ZNF469: variants seen among roughly 807,000 people sequenced by gnomAD.
ZNF469 encodes zinc finger protein 469.
Under a neutral mutation model 1.0 loss-of-function variants are expected in ZNF469, and 1 was observed. The observed-to-expected ratio is 1.00, with a 90% CI of 0.35 to 4.73. The LOEUF is 4.73. Among genes scored for constraint, ZNF469 ranks in the 30% most tolerant of loss-of-function variants. ZNF469 has a pLI of 0.16. For missense variants in ZNF469, 6,100 were observed against 5,356.3 expected (o/e 1.14, Z -4.33); for synonymous variants, 2,703 against 2,363.4 (o/e 1.14, Z -4.17).
chr16:88,245,284 G>T, the ZNF469 span, among the ~76,000 whole-genome samples: 4 of 152,230 alleles, frequency 2.6e-5, no homozygotes, highest in Admixed American at 2.0e-4. Context: ...CTATGAGGAT[G>T]ATTAAGTAGA....
the ZNF469 span, among the ~76,000 whole-genome samples, chr16:88,268,389 T>A: frequency 6.6e-6 from 1 of 152,186 alleles, no homozygotes; most frequent in East Asian, 1.9e-4. Context: ...CCAACATCTG[T>A]GTTCTGTCCC....
Position 88,438,732 on chromosome 16 carries a change from C to G in ZNF469, c.11262C>G (p.Ser3754Arg), listed in dbSNP as rs769834740. 3.9e-6 allele frequency: 6 copies of G among 1,549,994 alleles called. No individual in the cohort carries two copies. The highest frequency in any genetic ancestry group is 5.2e-6 in the Non-Finnish European group (6 of 1,146,840). The change falls in exon 3 of 3, where the codon AGC (serine) becomes AGG (arginine). Residue 3754 changes from serine (S) to arginine (R), a missense_variant. Physicochemically the swap from Ser to Arg is moderately radical, Grantham distance 110. Transcript: ENST00000565624. ...TGGGSQPQPA[S>R]GQLQSETATT... ...GTGGCAGCCAGCCCCAGCCAGCCAG[C>G]GGGCAGCTCCAGAGCGAGACAGCCA...
chr16:88,266,097 G>C, the ZNF469 span, among the ~76,000 whole-genome samples: 892 of 152,388 alleles, frequency 5.9e-3, 8 homozygotes, highest in African/African-American at 0.02. Flanking sequence ...GGGGATGGTG[G>C]CCTGTGCCCT....
At chr16:88,151,905 C>A in the ZNF469 span, among the ~76,000 whole-genome samples, 5 of 152,186 alleles carry the variant, frequency 3.3e-5, no homozygotes, top group African/African-American at 1.2e-4. The surrounding 1 kb of genome is among the most constrained non-coding windows in gnomAD (Gnocchi z 5.4). Context: ...AGTCATGGAA[C>A]CCAGAAACTC....
chr16:88,121,648 C>G, the ZNF469 span, among the ~76,000 whole-genome samples: 2 of 152,166 alleles, frequency 1.3e-5, no homozygotes, highest in African/African-American at 4.8e-5. Context: ...ATAATTTATT[C>G]CAATGACCTA....
the ZNF469 span, among the ~76,000 whole-genome samples, chr16:88,373,262 C>G: frequency 6.6e-6 from 1 of 152,232 alleles, no homozygotes; most frequent in Non-Finnish European, 1.5e-5. Context: ...CCACAGTCAC[C>G]CTGTGCCAGG....
Position 88,433,493 on chromosome 16 carries a change from G to A in ZNF469, c.6023G>A (p.Ser2008Asn). The A allele has an allele frequency of 1.3e-6, 2 of 1,550,402 alleles. No homozygotes were observed. Among genetic ancestry groups the A allele is most frequent in the South Asian group, 1.2e-5 (1 of 84,058 alleles). ...CAGCTTCAGCCAGAGAACGGGGTGA[G>A]CCCAGGGGGCACGGACAACCACGCC... ...ANQLQPENGV[S>N]PGGTDNHASV... The change falls in exon 3 of 3, where the codon AGC becomes AAC. Residue 2008 changes from serine (S) to asparagine (N), a missense_variant. By Grantham distance (46) the Ser-to-Asn change is conservative (BLOSUM62 1). Transcript: ENST00000565624.
At chr16:88,146,636 G>C in the ZNF469 span, among the ~76,000 whole-genome samples, 1 of 152,062 alleles carries the variant, frequency 6.6e-6, no homozygotes, top group Admixed American at 6.5e-5. Context: ...TCTCTGCCCT[G>C]GGGACGGCTG....
At chr16:88,258,211 GGTGT>G in the ZNF469 span, among the ~76,000 whole-genome samples, 6 of 151,224 alleles carry the variant, frequency 4.0e-5, no homozygotes, top group African/African-American at 7.3e-5. Context: ...ACAGAGAAAG[GGTGT>G]GTGTGTGTGT....
the ZNF469 span, among the ~76,000 whole-genome samples, chr16:88,300,822 T>A: frequency 2.6e-5 from 4 of 152,054 alleles, no homozygotes; most frequent in Non-Finnish European, 5.9e-5. Flanking sequence ...CCCAGAACTT[T>A]GGGAGGCCAA....
chr16:88,243,725 G>A, the ZNF469 span, among the ~76,000 whole-genome samples: 1 of 150,766 alleles, frequency 6.6e-6, no homozygotes, highest in African/African-American at 2.5e-5. Context: ...ATGGGTGGAT[G>A]GGTGGATAGA....
chr16:88,204,605 A>G, the ZNF469 span, among the ~76,000 whole-genome samples: 2 of 152,230 alleles, frequency 1.3e-5, no homozygotes, highest in Non-Finnish European at 2.9e-5. Context: ...ACTTTTCAAA[A>G]TGGTTGTGAG....
At chr16:88,299,889 G>A in the ZNF469 span, among the ~76,000 whole-genome samples, 242 of 152,280 alleles carry the variant, frequency 1.6e-3, no homozygotes, top group Middle Eastern at 6.8e-3. Context: ...GCACTGCCCC[G>A]GTGCAATGGC....
At chr16:88,111,300 C>T in the ZNF469 span, among the ~76,000 whole-genome samples, 2 of 152,160 alleles carry the variant, frequency 1.3e-5, no homozygotes, top group Non-Finnish European at 2.9e-5. Context: ...TCATGGGGTA[C>T]ATGAGATGTT....
At chr16:88,177,467 A>G in the ZNF469 span, 2 of 152,256 alleles carry the variant, frequency 1.3e-5, no homozygotes, top group East Asian at 3.9e-4. This position sits in a 1 kb window ranked among gnomAD's most constrained non-coding sequence, Gnocchi z 4.8. Flanking sequence ...GATATTAGTT[A>G]TATTTGAAGC....
In ZNF469 at chr16:88,432,023, T is replaced by C. The variant is rs1246973070; in HGVS notation, c.4553T>C (p.Leu1518Pro). The C allele has an allele frequency of 6.5e-7, 1 of 1,550,182 alleles. No individual in the cohort carries two copies. The highest frequency in any genetic ancestry group is 2.4e-5 in the East Asian group (1 of 40,898). The change falls in exon 3 of 3, where the codon CTC (leucine) becomes CCC (proline). Residue 1518 changes from leucine (L) to proline (P), a missense_variant. Physicochemically the swap from Leu to Pro is moderately conservative, Grantham distance 98. Transcript: ENST00000565624. ...SPMLPSHFPD[L>P]SGGKVLSKTC... The stretch of plus-strand genomic sequence containing the variant: ...ATGCTGCCTAGCCATTTTCCTGATC[T>C]CTCGGGGGGAAAGGTGCTCAGTAAG...
chr16:88,297,928 C>A, the ZNF469 span, among the ~76,000 whole-genome samples: 2 of 152,184 alleles, frequency 1.3e-5, no homozygotes, highest in African/African-American at 4.8e-5. Context: ...GAGGTGACAA[C>A]TGCCATCCTT....
the ZNF469 span, among the ~76,000 whole-genome samples, chr16:88,127,320 C>G: frequency 1.3e-5 from 2 of 152,178 alleles, no homozygotes; most frequent in Non-Finnish European, 2.9e-5. Flanking sequence ...TCATTCTCTT[C>G]CTTAAATGTC....
the ZNF469 span, chr16:88,178,287 G>C: frequency 6.6e-6 from 1 of 152,192 alleles, no homozygotes; most frequent in South Asian, 2.1e-4. Context: ...GTTTGAGAGT[G>C]GGGAGGGGAG....
Sources: allele counts gnomAD v4.1 joint callset (sites outside exome capture counted in the v4.1 genomes callset), GRCh38; gene constraint gnomAD v4.1.1; non-coding constraint Gnocchi (gnomAD v3.1); transcripts MANE v1.5; gene names NCBI Gene and HGNC (gene_info 2026-07-23, HGNC 2026-07-21).